ZFR2: variants seen among roughly 807,000 people sequenced by gnomAD.
The protein encoded by ZFR2 is zinc finger RNA-binding protein 2.
In ZFR2, 104 loss-of-function variants were observed where a neutral mutation model predicts 105.7. That is an observed-to-expected ratio of 0.98 (90% confidence interval 0.84 to 1.16). ZFR2 has a LOEUF of 1.16. Ranked by LOEUF, ZFR2 falls within the 50% of genes most tolerant of loss-of-function variation. The pLI, the probability that ZFR2 is intolerant of heterozygous loss-of-function variation, is 0.00. For synonymous variants in ZFR2, 634 were observed against 597.7 expected, an observed-to-expected ratio of 1.06 and a Z score of -0.89; for missense variants, 1,425 against 1,355.5, an observed-to-expected ratio of 1.05 and a Z score of -0.80.
intron 1 of ZFR2, among the ~76,000 whole-genome samples, chr19:3,839,794 TG>T (rs1489647118): frequency 6.6e-6 from 1 of 152,080 alleles, no homozygotes; most frequent in African/African-American, 2.4e-5. Flanking sequence ...TCCCTAGGGT[TG>T]GTGGCTGTCT....
Position 3,807,176 on chromosome 19 carries a change from G to A in ZFR2, c.2639C>T (p.Ala880Val). 2 of 1,553,106 alleles carry A rather than the reference G, an allele frequency of 1.3e-6. No homozygotes were observed. The highest frequency in any genetic ancestry group is 1.7e-6 in the Non-Finnish European group (2 of 1,147,714). Residue 880 changes from alanine to valine, a missense_variant, in exon 18 of 19, where the codon GCC becomes GTC. By Grantham distance (64) the Ala-to-Val change is moderately conservative. Transcript: ENST00000262961. Reference protein sequence around the residue: ...LQEREDVTASAQHALRMLAFR... With the variant: ...LQEREDVTASVQHALRMLAFR... ...GCCGTGACTTGACCCTCCTACCTGG[G>A]CGCTGGCGGTCACGTCTTCCCGCTC...
intron 14 of ZFR2, among the ~76,000 whole-genome samples, chr19:3,811,642 A>C (rs2037766417): frequency 6.6e-6 from 1 of 151,558 alleles, no homozygotes; most frequent in South Asian, 2.1e-4. Flanking sequence ...TTTAGTAGAG[A>C]CGGGGTTTCC....
chr19:3,824,711 T>TGGATCACTTGA (rs2037930431), intron 7 of ZFR2, among the ~76,000 whole-genome samples: 1 of 152,112 alleles, frequency 6.6e-6, no homozygotes, highest in African/African-American at 2.4e-5. Context: ...CCGAGGCTGG[T>TGGATCACTTGA]GGATCACTTG....
Position 3,813,604 on chromosome 19 carries a change from C to T in ZFR2, c.2242+216G>A, listed in dbSNP as rs1304501653. Among the ~76,000 whole-genome samples the T allele has an allele frequency of 6.6e-6, 1 of 152,206 alleles. No individual in the cohort carries two copies. Among genetic ancestry groups the T allele is most frequent in the Non-Finnish European group, 1.5e-5 (1 of 68,038 alleles). On this transcript the variant is annotated intron_variant, in intron 14 of 18. Coordinates refer to ENST00000262961, the MANE Select transcript of ZFR2 (RefSeq NM_015174.2). The surrounding 1 kb of genome is among the most constrained non-coding windows in gnomAD (Gnocchi z 4.4). Reference sequence around the variant, plus strand: ...AGGCCCCTGCAGCCAGGCTCTGAGCCCATCTGATGCTGTCACCGACTCGCC... The same window carrying T: ...AGGCCCCTGCAGCCAGGCTCTGAGCTCATCTGATGCTGTCACCGACTCGCC...
At chr19:3,822,638 C>T (rs976466001) in intron 8 of ZFR2, among the ~76,000 whole-genome samples, 3 of 152,066 alleles carry the variant, frequency 2.0e-5, no homozygotes, top group Non-Finnish European at 2.9e-5. Flanking sequence ...ATTGATTGAG[C>T]CCAGAAGTTT....
chr19:3,835,074 G>T, intron 1 of ZFR2, 91 bp from the exon 2 acceptor site: 1 of 1,433,452 alleles, frequency 7.0e-7, no homozygotes, highest in Non-Finnish European at 9.5e-7. Context: ...GCCACCACTG[G>T]ACCTGAGCTG....
At chr19:3,860,553 C>CTTG (rs1325010875) in intron 1 of ZFR2, among the ~76,000 whole-genome samples, 1 of 152,160 alleles carries the variant, frequency 6.6e-6, no homozygotes, top group East Asian at 1.9e-4. Context: ...GACTGATGGG[C>CTTG]TTGTCCTCTG....
chr19:3,861,812 G>A (rs2038377065), intron 1 of ZFR2, among the ~76,000 whole-genome samples: 1 of 152,114 alleles, frequency 6.6e-6, no homozygotes, highest in African/African-American at 2.4e-5. Context: ...TGTAGTCCCA[G>A]CTGCTAGGGA....
chr19:3,823,124 A>T lies in ZFR2; in HGVS notation c.1371+122T>A. The T allele has an allele frequency of 1.4e-6, 2 of 1,402,640 alleles. No individual in the cohort carries two copies. Among genetic ancestry groups the T allele is most frequent in the Non-Finnish European group, 2.0e-6 (2 of 1,011,832 alleles). The allele number at this position is 1,402,640 out of a possible 1,614,324, so 86.9% of individuals were successfully genotyped here. A position where few individuals can be genotyped will look rare whatever the true frequency, so the allele number is the denominator to read the frequency against. On this transcript the variant is annotated intron_variant, in intron 8 of 18. Coordinates refer to ENST00000262961, the MANE Select transcript of ZFR2 (RefSeq NM_015174.2). This position sits in a 1 kb window ranked among gnomAD's most constrained non-coding sequence, Gnocchi z 5.4. Reference sequence around the variant, plus strand: ...TGGTCCATGGAGGTCTGGCCTGTGCAGCTCAGGAACGGGGATGGGTCTGTA... The same window carrying T: ...TGGTCCATGGAGGTCTGGCCTGTGCTGCTCAGGAACGGGGATGGGTCTGTA...
intron 6 of ZFR2, among the ~76,000 whole-genome samples, chr19:3,826,808 AAAGGG>A (rs1226416243): frequency 6.6e-6 from 1 of 152,126 alleles, no homozygotes; most frequent in African/African-American, 2.4e-5. Context: ...GCAAGACCTC[AAAGGG>A]AACACAGCAT....
At position 3,805,751 on chromosome 19, in the gene ZFR2, C is replaced by T. The variant is rs1234625160; in HGVS notation, c.*198G>A. On this transcript the variant is annotated 3_prime_UTR_variant, in exon 19 of 19. Coordinates refer to ENST00000262961, the MANE Select transcript of ZFR2 (RefSeq NM_015174.2). ...GAACTCTCAGGCTCAAGCAACTCAG[C>T]CTCCCAAAGTGCTGGGATTAAAGGC... The T allele has an allele frequency of 7.0e-6, 4 of 572,778 alleles. No individual in the cohort carries two copies. In the East Asian group the frequency reaches 1.4e-4, roughly 20 times the overall value. 35.5% of individuals were successfully genotyped at this position (572,778 alleles called of 1,614,324 possible).
intron 1 of ZFR2, among the ~76,000 whole-genome samples, chr19:3,854,588 G>C (rs555413182): frequency 1.3e-5 from 2 of 152,240 alleles, no homozygotes; most frequent in East Asian, 1.9e-4. Flanking sequence ...ATCCCAGAGA[G>C]AAACCACTCA....
chr19:3,826,067 G>A (rs1236013926), intron 6 of ZFR2, among the ~76,000 whole-genome samples: 1 of 151,912 alleles, frequency 6.6e-6, no homozygotes, highest in Non-Finnish European at 1.5e-5. Flanking sequence ...CTGACCCCCA[G>A]ACTGAGCCCC....
At chr19:3,864,710 A>C (rs2038410845) in intron 1 of ZFR2, among the ~76,000 whole-genome samples, 1 of 151,994 alleles carries the variant, frequency 6.6e-6, no homozygotes, top group Non-Finnish European at 1.5e-5. Context: ...CTCAATGCTA[A>C]TCTTTCTTTT....
intron 2 of ZFR2, 71 bp from the exon 3 acceptor site, chr19:3,833,849 CCCTG>C: frequency 8.6e-7 from 1 of 1,167,534 alleles, no homozygotes; most frequent in Non-Finnish European, 1.2e-6. Flanking sequence ...GTGCGACGCG[CCCTG>C]CCACACTGCA....
chr19:3,827,647 G>A lies in ZFR2; in HGVS notation c.859C>T (p.Arg287Trp), dbSNP rs761009407. The A allele has an allele frequency of 2.3e-5, 37 of 1,578,110 alleles. No individual in the cohort carries two copies. The highest frequency in any genetic ancestry group is 3.5e-5 in the South Asian group (3 of 85,934). Residue 287 changes from arginine to tryptophan, a missense_variant, in exon 6 of 19, where the codon CGG (arginine) becomes TGG (tryptophan). Transcript: ENST00000262961. ...KISCAGPQTY[R>W]EHLGGQKHRK... Reference sequence around the variant, plus strand: ...TGCTTCTGCCCTCCCAGATGTTCCCGGTAGGTCTGCGGCAAGGGGTGAGAG... The same window carrying A: ...TGCTTCTGCCCTCCCAGATGTTCCCAGTAGGTCTGCGGCAAGGGGTGAGAG...
chr19:3,839,597 T>C (rs906442867), intron 1 of ZFR2, among the ~76,000 whole-genome samples: 2 of 135,766 alleles, frequency 1.5e-5, no homozygotes, highest in Non-Finnish European at 3.1e-5. Context: ...CAGTGATCAG[T>C]AGCTCTCTTA....
intron 1 of ZFR2, among the ~76,000 whole-genome samples, chr19:3,855,100 C>T (rs376244435): frequency 2.0e-5 from 3 of 151,316 alleles, no homozygotes; most frequent in Admixed American, 1.3e-4. Flanking sequence ...CTCACTATGT[C>T]GCCCAGGCTG....
At chr19:3,839,337 A>G (rs1387618069) in intron 1 of ZFR2, among the ~76,000 whole-genome samples, 1 of 152,004 alleles carries the variant, frequency 6.6e-6, no homozygotes, top group Non-Finnish European at 1.5e-5. Flanking sequence ...GTTCGAGACC[A>G]GCCTGGCCAA....
Sources: allele counts gnomAD v4.1 joint callset (sites outside exome capture counted in the v4.1 genomes callset), GRCh38; gene constraint gnomAD v4.1.1; non-coding constraint Gnocchi (gnomAD v3.1); transcripts MANE v1.5; gene names NCBI Gene and HGNC (gene_info 2026-07-23, HGNC 2026-07-21).